Variants in COMMD1 observed in about 807,000 individuals in gnomAD.
The protein encoded by COMMD1 is copper metabolism domain containing 1, also known as COMM domain-containing protein 1.
COMMD1 carries 10 observed loss-of-function variants against 17.2 expected under a neutral mutation model. The observed-to-expected ratio is 0.58, with a 90% CI of 0.36 to 0.99. COMMD1 has a LOEUF of 0.99. Among genes scored for constraint, COMMD1 ranks in the 50% least tolerant of loss-of-function variants. COMMD1 has a pLI of 0.01. For missense variants in COMMD1, 270 were observed against 231.8 expected (o/e 1.17, Z -1.07); for synonymous variants, 97 against 91.6 (o/e 1.06, Z -0.34).
At chr2:61,925,358 G>C (rs1670303791) in intron 1 of COMMD1, among the ~76,000 whole-genome samples, 1 of 152,150 alleles carries the variant, frequency 6.6e-6, no homozygotes, top group Admixed American at 6.5e-5. Context: ...AGAGGAGGCA[G>C]CACCAAGCTT....
intron 1 of COMMD1, among the ~76,000 whole-genome samples, chr2:61,928,066 G>GT (rs145006627): frequency 8.3e-4 from 123 of 148,596 alleles, no homozygotes; most frequent in Non-Finnish European, 6.4e-4. Context: ...TGCCTGGCCA[G>GT]TTTTTTTTTT....
chr2:61,992,717 T>C (rs1030092448), intron 1 of COMMD1, among the ~76,000 whole-genome samples: 6 of 152,330 alleles, frequency 3.9e-5, no homozygotes, highest in African/African-American at 1.2e-4. Context: ...AAACCAAATG[T>C]AGCCTCCACC....
intron 1 of COMMD1, among the ~76,000 whole-genome samples, chr2:61,906,233 TA>T (rs1049319255): frequency 4.6e-5 from 7 of 152,162 alleles, no homozygotes; most frequent in African/African-American, 7.2e-5. Flanking sequence ...TTGGGAGCGT[TA>T]AAATGAGCCA....
At chr2:61,899,502 T>C (rs768134102) in intron 1 of COMMD1, among the ~76,000 whole-genome samples, 3 of 152,192 alleles carry the variant, frequency 2.0e-5, no homozygotes, top group Non-Finnish European at 4.4e-5. Context: ...TATAAACTTA[T>C]ATTAAATAAG....
At chr2:62,051,228 C>G (rs905874185) in intron 2 of COMMD1, among the ~76,000 whole-genome samples, 2 of 152,052 alleles carry the variant, frequency 1.3e-5, no homozygotes, top group African/African-American at 4.8e-5. Flanking sequence ...TCTAGACTGA[C>G]AAGAAATTAA....
rs150966526 is a variant in COMMD1, at chr2:62,000,871, C to T, written c.351C>T (p.Ser117=). Residue 117 remains serine, a synonymous_variant, in exon 2 of 3, where the codon AGC becomes AGT. Transcript: ENST00000311832. ...ESLMNQSRWN[S]GLRGLSWRVD... is the part of the protein sequence containing the mutation. ...TCATGAACCAGAGCCGCTGGAATAGCGGGCTTCGGGGCCTGAGCTGGAGAG... is the reference window on the plus strand; with the variant it reads ...TCATGAACCAGAGCCGCTGGAATAGTGGGCTTCGGGGCCTGAGCTGGAGAG... The T allele has an allele frequency of 3.2e-4, 519 of 1,614,160 alleles. 1 individual carries two copies. Among genetic ancestry groups the T allele is most frequent in the Middle Eastern group, 1.2e-3 (7 of 6,062 alleles).
intron 1 of COMMD1, among the ~76,000 whole-genome samples, chr2:61,892,739 C>G (rs1669462898): frequency 6.6e-6 from 1 of 151,074 alleles, no homozygotes; most frequent in Admixed American, 6.6e-5. Context: ...CTGTATGTAT[C>G]TTATCTCTCT....
chr2:61,935,653 C>A (rs771450880), intron 1 of COMMD1, among the ~76,000 whole-genome samples: 1 of 151,826 alleles, frequency 6.6e-6, no homozygotes, highest in Non-Finnish European at 1.5e-5. Context: ...GGTAAAATTT[C>A]TCTGTACAGT....
At chr2:61,921,306 T>C (rs181974519) in intron 1 of COMMD1, among the ~76,000 whole-genome samples, 268 of 152,258 alleles carry the variant, frequency 1.8e-3, no homozygotes, top group African/African-American at 5.4e-3. Context: ...CATAATACAA[T>C]AGAAGTAAAC....
At chr2:61,937,545 C>T (rs1457430090) in intron 1 of COMMD1, among the ~76,000 whole-genome samples, 2 of 152,186 alleles carry the variant, frequency 1.3e-5, no homozygotes, top group African/African-American at 2.4e-5. Flanking sequence ...TAGACATGGA[C>T]AGGCATTCAT....
intron 2 of COMMD1, among the ~76,000 whole-genome samples, chr2:62,105,916 C>T (rs976652229): frequency 1.9e-4 from 29 of 152,210 alleles, no homozygotes; most frequent in African/African-American, 6.5e-4. Context: ...TACAATTCAA[C>T]ATGAGATTTG....
chr2:62,079,244 A>G (rs1444443383), intron 2 of COMMD1, among the ~76,000 whole-genome samples: 2 of 152,182 alleles, frequency 1.3e-5, no homozygotes, highest in African/African-American at 4.8e-5. Flanking sequence ...CCATAGACAC[A>G]GTAGGGCGTT....
intron 1 of COMMD1, among the ~76,000 whole-genome samples, chr2:61,914,238 G>T (rs1042122155): frequency 1.2e-4 from 19 of 152,084 alleles, no homozygotes; most frequent in Non-Finnish European, 2.4e-4. Context: ...TTGGTTACTT[G>T]ATAAATATCT....
chr2:62,076,527 G>A (rs760459196), intron 2 of COMMD1, among the ~76,000 whole-genome samples: 13 of 152,048 alleles, frequency 8.5e-5, no homozygotes, highest in Non-Finnish European at 1.8e-4. Context: ...CGGCTGGATC[G>A]CTTGAGCCCT....
intron 1 of COMMD1, among the ~76,000 whole-genome samples, chr2:61,942,251 G>A (rs1029667228): frequency 6.6e-6 from 1 of 151,296 alleles, no homozygotes; most frequent in Admixed American, 6.6e-5. Flanking sequence ...TTACAGGCAT[G>A]CGCCACCACG....
At chr2:62,022,443 C>T (rs541246196) in intron 2 of COMMD1, among the ~76,000 whole-genome samples, 16 of 139,890 alleles carry the variant, frequency 1.1e-4, no homozygotes, top group East Asian at 8.1e-4. Context: ...TATTTACCGG[C>T]GCTTCTTTTT....
intron 1 of COMMD1, among the ~76,000 whole-genome samples, chr2:61,938,768 T>C (rs746424796): frequency 5.3e-5 from 8 of 152,144 alleles, no homozygotes; most frequent in South Asian, 2.1e-4. Flanking sequence ...ATGAGAGAGG[T>C]TGGCATCTCT....
chr2:62,068,011 C>T (rs886163539), intron 2 of COMMD1, among the ~76,000 whole-genome samples: 2 of 152,102 alleles, frequency 1.3e-5, no homozygotes, highest in African/African-American at 4.8e-5. Flanking sequence ...ATCAAATTCC[C>T]ACTAATGAAG....
chr2:61,919,891 C>T (rs1271555164), intron 1 of COMMD1, among the ~76,000 whole-genome samples: 1 of 152,040 alleles, frequency 6.6e-6, no homozygotes, highest in African/African-American at 2.4e-5. Flanking sequence ...CTTTGGGAGG[C>T]TGAGGTGGGA....
Sources: allele counts gnomAD v4.1 joint callset (sites outside exome capture counted in the v4.1 genomes callset), GRCh38; gene constraint gnomAD v4.1.1; transcripts MANE v1.5; gene names NCBI Gene and HGNC (gene_info 2026-07-23, HGNC 2026-07-21).